Variants in SLCO1C1 observed in about 807,000 individuals in gnomAD.
SLCO1C1 encodes the protein solute carrier organic anion transporter family member 1C1, also known as OAT-RP-5.
A neutral mutation model predicts 76.4 loss-of-function variants in SLCO1C1; 70 were observed. That is an observed-to-expected ratio of 0.92 (90% CI 0.76 to 1.12). The LOEUF (loss-of-function observed/expected upper bound fraction) is 1.12, where lower values mean the gene tolerates loss of function less well. Among genes scored for constraint, SLCO1C1 ranks in the 50% most tolerant of loss-of-function variants. SLCO1C1 has a pLI of 0.00. For missense variants in SLCO1C1, 912 were observed against 823.8 expected (o/e 1.11, Z -1.31); for synonymous variants, 306 against 286.1 (o/e 1.07, Z -0.70).
intron 9 of SLCO1C1, among the ~76,000 whole-genome samples, chr12:20,726,727 G>C (rs574371018): frequency 2.6e-5 from 4 of 152,084 alleles, no homozygotes; most frequent in Admixed American, 2.6e-4. Context: ...TTTTGGAATA[G>C]GGAGTATGTG....
chr12:20,710,898 T>G (rs1947058973), intron 4 of SLCO1C1, among the ~76,000 whole-genome samples: 1 of 152,140 alleles, frequency 6.6e-6, no homozygotes, highest in Admixed American at 6.5e-5. Context: ...CTAGTTTGCT[T>G]TAAGATGAGC....
intron 3 of SLCO1C1, among the ~76,000 whole-genome samples, chr12:20,705,469 T>C (rs753845022): frequency 1.3e-5 from 2 of 152,152 alleles, no homozygotes; most frequent in South Asian, 2.1e-4. Flanking sequence ...CATCATTTTA[T>C]TTCATTTAAA....
At chr12:20,740,780 ATTTTAT>A (rs199577812) in intron 12 of SLCO1C1, among the ~76,000 whole-genome samples, 3,170 of 25,030 alleles carry the variant, frequency 0.13, 279 homozygotes, top group Middle Eastern at 0.25. Flanking sequence ...GTTAGAATTT[ATTTTAT>A]TTATATATAT....
intron 9 of SLCO1C1, among the ~76,000 whole-genome samples, chr12:20,731,685 A>G (rs1948269280): frequency 6.6e-6 from 1 of 152,216 alleles, no homozygotes; most frequent in Non-Finnish European, 1.5e-5. Flanking sequence ...TCTAATTAGC[A>G]GAGAATTTAC....
rs535936248 is a variant in SLCO1C1 at position 20,752,630 on chromosome 12, C to A, written c.*102C>A. On this transcript the variant is annotated 3_prime_UTR_variant, in exon 15 of 15. Coordinates refer to ENST00000266509, the MANE Select transcript of SLCO1C1 (RefSeq NM_017435.5). Reference sequence around the variant, plus strand: ...TAAATTTGTAATTTCTTTCTCCTTTCAAAAAATGTCTACTTTGTTTTGGTC... The same window carrying A: ...TAAATTTGTAATTTCTTTCTCCTTTAAAAAAATGTCTACTTTGTTTTGGTC... The A allele has an allele frequency of 3.2e-5, 31 of 956,550 alleles. No individual in the cohort carries two copies. Among genetic ancestry groups the A allele is most frequent in the Non-Finnish European group, 4.5e-5 (30 of 665,128 alleles). The allele number at this position is 956,550 out of a possible 1,614,324, so 59.3% of individuals were successfully genotyped here.
intron 10 of SLCO1C1, among the ~76,000 whole-genome samples, chr12:20,734,122 T>C (rs1334002370): frequency 1.3e-5 from 2 of 152,198 alleles, no homozygotes; most frequent in African/African-American, 4.8e-5. Flanking sequence ...TACAGCCTGC[T>C]GTCCATCTCC....
At chr12:20,723,670 A>G (rs1947793341) in intron 9 of SLCO1C1, among the ~76,000 whole-genome samples, 1 of 152,168 alleles carries the variant, frequency 6.6e-6, no homozygotes, top group Non-Finnish European at 1.5e-5. Context: ...ACTCCTGGCA[A>G]CTGAGTTAGT....
chr12:20,717,270 C>G (rs1314173819), intron 7 of SLCO1C1, 40 bp downstream of exon 7: 1 of 1,492,350 alleles, frequency 6.7e-7, no homozygotes, highest in Non-Finnish European at 9.1e-7. Context: ...GTATTTTAGT[C>G]ACTGTAACAT....
chr12:20,729,467 G>T (rs374920827), intron 9 of SLCO1C1, among the ~76,000 whole-genome samples: 2 of 151,912 alleles, frequency 1.3e-5, no homozygotes, highest in Non-Finnish European at 2.9e-5. Flanking sequence ...TTGGTTGGAG[G>T]GTGCGATACA....
intron 1 of SLCO1C1, among the ~76,000 whole-genome samples, chr12:20,698,679 T>C (rs79225694): frequency 0.036 from 5,457 of 152,146 alleles, 314 homozygotes; most frequent in African/African-American, 0.12. Context: ...TATGTGGATA[T>C]AGAAGTCCTC....
chr12:20,735,910 C>T (rs1049406433), intron 10 of SLCO1C1, among the ~76,000 whole-genome samples: 3 of 152,046 alleles, frequency 2.0e-5, no homozygotes, highest in Non-Finnish European at 4.4e-5. Flanking sequence ...GGAGTGAATA[C>T]AAAAATAGTT....
chr12:20,735,385 C>T (rs1053644874), intron 10 of SLCO1C1, among the ~76,000 whole-genome samples: 6 of 152,166 alleles, frequency 3.9e-5, no homozygotes, highest in African/African-American at 1.4e-4. Flanking sequence ...TACCCACCCA[C>T]GTAGGGGCTG....
intron 14 of SLCO1C1, among the ~76,000 whole-genome samples, chr12:20,751,463 C>CT: frequency 6.6e-6 from 1 of 152,104 alleles, no homozygotes; most frequent in Admixed American, 6.5e-5. Context: ...GACTTACAAA[C>CT]TGAGCATTTT....
intron 9 of SLCO1C1, among the ~76,000 whole-genome samples, chr12:20,724,220 C>T (rs1420341474): frequency 6.6e-6 from 1 of 151,444 alleles, no homozygotes; most frequent in Non-Finnish European, 1.5e-5. Flanking sequence ...TTCTCCAACA[C>T]CCCATGCATG....
chr12:20,726,309 T>C (rs138296239), intron 9 of SLCO1C1, among the ~76,000 whole-genome samples: 2 of 151,930 alleles, frequency 1.3e-5, no homozygotes, highest in Admixed American at 1.3e-4. Flanking sequence ...AAATATGAGA[T>C]AGATACAAAG....
At chr12:20,701,821 C>G (rs973847513) in intron 3 of SLCO1C1, among the ~76,000 whole-genome samples, 5 of 151,806 alleles carry the variant, frequency 3.3e-5, no homozygotes, top group Non-Finnish European at 4.4e-5. Flanking sequence ...CACTATGATT[C>G]AATTTTAGAG....
At chr12:20,745,401 CATTATT>C (rs1207657336) in intron 13 of SLCO1C1, among the ~76,000 whole-genome samples, 1 of 151,854 alleles carries the variant, frequency 6.6e-6, no homozygotes, top group Non-Finnish European at 1.5e-5. Flanking sequence ...GATTTATAGT[CATTATT>C]AGTACTAATA....
At chr12:20,746,927 C>T (rs1386141709) in intron 13 of SLCO1C1, among the ~76,000 whole-genome samples, 1 of 150,326 alleles carries the variant, frequency 6.7e-6, no homozygotes, top group Non-Finnish European at 1.5e-5. Context: ...TAAAAACAAA[C>T]GAACTAAAAA....
At chr12:20,720,400 C>A (rs568570954) in intron 7 of SLCO1C1, among the ~76,000 whole-genome samples, 1 of 152,276 alleles carries the variant, frequency 6.6e-6, no homozygotes, top group South Asian at 2.1e-4. Flanking sequence ...AAAGCTATAG[C>A]TATGATCAGT....
Sources: gnomAD v4.1 joint callset for allele counts (sites outside exome capture counted in the v4.1 genomes callset) on GRCh38, gnomAD v4.1.1 for gene constraint, MANE v1.5 for transcripts, NCBI Gene and HGNC (gene_info 2026-07-23, HGNC 2026-07-21) for gene names.